PRKN: variants seen among roughly 807,000 people sequenced by gnomAD.
PRKN encodes E3 ubiquitin-protein ligase parkin.
In PRKN, 56 loss-of-function variants were observed where a neutral mutation model predicts 59.5. The observed-to-expected ratio is 0.94, with a 90% CI of 0.76 to 1.18. PRKN has a LOEUF of 1.18. PRKN is among the 50% of genes most tolerant of loss of function. The pLI is 0.00. For synonymous variants in PRKN, 250 were observed against 222.1 expected, an observed-to-expected ratio of 1.13 and a Z score of -1.12; for missense variants, 657 against 596.4, an observed-to-expected ratio of 1.10 and a Z score of -1.06.
At position 161,579,642 on chromosome 6, in the gene PRKN, C is replaced by T. The variant is rs926717323; in HGVS notation, c.872-10226G>A. Among the ~76,000 whole-genome samples the T allele has an allele frequency of 6.6e-6, 1 of 151,742 alleles. No individual in the cohort carries two copies. The highest frequency in any genetic ancestry group is 2.4e-5 in the African/African-American group (1 of 41,284). ...CCAGTATTAAATAAATATAAGTCATCGGACTTTAGGAATTGATGCAATTCC... is the reference window on the plus strand; with the variant it reads ...CCAGTATTAAATAAATATAAGTCATTGGACTTTAGGAATTGATGCAATTCC... On this transcript the variant is annotated intron_variant, in intron 7 of 11. Coordinates refer to ENST00000366898, the MANE Select transcript of PRKN (RefSeq NM_004562.3). This position sits in a 1 kb window ranked among gnomAD's most constrained non-coding sequence, Gnocchi z 4.2.
chr6:161,452,630 G>T (rs988112727), intron 9 of PRKN, among the ~76,000 whole-genome samples: 2 of 152,088 alleles, frequency 1.3e-5, no homozygotes, highest in Admixed American at 6.6e-5. Context: ...GGAAACTATT[G>T]CACCATCCCA....
At chr6:161,987,203 G>A (rs1012699733) in intron 5 of PRKN, among the ~76,000 whole-genome samples, 3 of 152,140 alleles carry the variant, frequency 2.0e-5, no homozygotes, top group Non-Finnish European at 4.4e-5. Flanking sequence ...AAAATAAAAT[G>A]TAATTTGTAA....
At chr6:161,501,105 C>A (rs1297435279) in intron 9 of PRKN, among the ~76,000 whole-genome samples, 1 of 152,088 alleles carries the variant, frequency 6.6e-6, no homozygotes, top group Non-Finnish European at 1.5e-5. Context: ...GAACTCCTGA[C>A]CTCGTGATCT....
At chr6:162,647,500 C>A (rs67046187) in intron 1 of PRKN, among the ~76,000 whole-genome samples, 13,164 of 152,086 alleles carry the variant, frequency 0.087, 726 homozygotes, top group Middle Eastern at 0.18. Context: ...AAGGTCTTAA[C>A]AGCCTTAAAA....
At chr6:161,655,878 AC>A (rs879521459) in intron 7 of PRKN, among the ~76,000 whole-genome samples, 5,852 of 59,106 alleles carry the variant, frequency 0.099, 140 homozygotes, top group Non-Finnish European at 0.12. Context: ...ACACACACAC[AC>A]ACACATACAC....
intron 6 of PRKN, among the ~76,000 whole-genome samples, chr6:161,906,743 C>T (rs929604847): frequency 1.3e-5 from 2 of 149,504 alleles, no homozygotes; most frequent in Admixed American, 1.3e-4. Flanking sequence ...GAAGCCAGTC[C>T]TAGTCACAAA....
intron 6 of PRKN, among the ~76,000 whole-genome samples, chr6:161,960,198 A>C (rs1429207081): frequency 6.6e-6 from 1 of 152,218 alleles, no homozygotes; most frequent in Admixed American, 6.5e-5. Flanking sequence ...GACTCACTTC[A>C]TCCTTACAAT....
At position 161,998,993 on chromosome 6, in the gene PRKN, T is replaced by C. The variant is rs550447767; in HGVS notation, c.619-25576A>G. On this transcript the variant is annotated intron_variant, in intron 5 of 11. Transcript: ENST00000366898. ...AGTCTTTTGAGAATGAAAAACATTCTACTTTATTTTGTCCTCTTAACACAC... is the reference window on the plus strand; with the variant it reads ...AGTCTTTTGAGAATGAAAAACATTCCACTTTATTTTGTCCTCTTAACACAC... 3.3e-5 allele frequency among the ~76,000 whole-genome samples: 5 copies of C among 152,256 alleles called. No homozygotes were observed. The South Asian group carries it at 8.3e-4, about 25-fold the overall frequency.
chr6:162,588,779 C>T (rs1302416050), intron 1 of PRKN, among the ~76,000 whole-genome samples: 1 of 151,998 alleles, frequency 6.6e-6, no homozygotes, highest in African/African-American at 2.4e-5. Context: ...TCTCGATCTC[C>T]TGACCTCGTG....
chr6:162,213,637 A>C (rs1777500173), intron 3 of PRKN, among the ~76,000 whole-genome samples: 1 of 152,088 alleles, frequency 6.6e-6, no homozygotes, highest in Admixed American at 6.6e-5. Context: ...TAGGAGGCTG[A>C]GGTGGGAGAA....
intron 7 of PRKN, among the ~76,000 whole-genome samples, chr6:161,574,680 C>T (rs1032760483): frequency 2.0e-5 from 3 of 152,034 alleles, no homozygotes; most frequent in Non-Finnish European, 4.4e-5. Flanking sequence ...TCAAAGATTC[C>T]CGGCAGCATC....
At chr6:162,338,388 G>C (rs537975779) in intron 2 of PRKN, among the ~76,000 whole-genome samples, 13 of 151,726 alleles carry the variant, frequency 8.6e-5, no homozygotes, top group African/African-American at 2.2e-4. Context: ...TCAGCCTGCC[G>C]AGTGCCTGCT....
intron 9 of PRKN, among the ~76,000 whole-genome samples, chr6:161,536,705 A>G (rs1345912393): frequency 6.6e-6 from 1 of 152,230 alleles, no homozygotes; most frequent in Non-Finnish European, 1.5e-5. Context: ...ATTTCTGATT[A>G]TACATCAGTG....
At chr6:162,078,510 G>A (rs1004684618) in intron 4 of PRKN, among the ~76,000 whole-genome samples, 4 of 152,056 alleles carry the variant, frequency 2.6e-5, no homozygotes, top group Non-Finnish European at 5.9e-5. Flanking sequence ...CTTAATTTTA[G>A]CTAATTTAGA....
At chr6:162,387,299 T>C (rs1180842704) in intron 2 of PRKN, among the ~76,000 whole-genome samples, 4 of 151,518 alleles carry the variant, frequency 2.6e-5, no homozygotes, top group African/African-American at 4.8e-5. Context: ...ATAATTTTTA[T>C]ACTAAAGGTT....
intron 7 of PRKN, among the ~76,000 whole-genome samples, chr6:161,717,575 C>T (rs932106721): frequency 2.0e-5 from 3 of 152,018 alleles, no homozygotes; most frequent in African/African-American, 7.2e-5. Context: ...GATGGTGGGG[C>T]GGTAGAGGGA....
chr6:161,717,997 G>C (rs998292535), intron 7 of PRKN, among the ~76,000 whole-genome samples: 3 of 152,208 alleles, frequency 2.0e-5, no homozygotes, highest in African/African-American at 7.2e-5. Flanking sequence ...ACGCATGGCA[G>C]AACGTGGGGA....
intron 4 of PRKN, 62 bp from the exon 5 acceptor site, chr6:162,054,236 C>A: frequency 1.0e-6 from 1 of 957,848 alleles, no homozygotes; most frequent in Non-Finnish European, 1.7e-6. Flanking sequence ...CTCCTTAAGA[C>A]ATGTTTCCAC....
chr6:162,068,474 T>C (rs563209261), intron 4 of PRKN, among the ~76,000 whole-genome samples: 28 of 152,198 alleles, frequency 1.8e-4, no homozygotes, highest in Non-Finnish European at 4.0e-4. Context: ...GCTGGGCTGC[T>C]CTCTTCCCTG....
Sources: gnomAD v4.1 joint callset for allele counts (sites outside exome capture counted in the v4.1 genomes callset) on GRCh38, gnomAD v4.1.1 for gene constraint, Gnocchi (gnomAD v3.1) non-coding constraint, MANE v1.5 for transcripts, NCBI Gene and HGNC (gene_info 2026-07-23, HGNC 2026-07-21) for gene names.